The following EXOC6B variants were observed in gnomAD, a reference collection of about 807,000 sequenced individuals.
EXOC6B encodes the protein SEC15 homolog B.
In EXOC6B, 54 loss-of-function variants were observed where a neutral mutation model predicts 113.5. The ratio of observed to expected loss-of-function variants is 0.48; its 90% CI spans 0.38 to 0.60. The LOEUF (loss-of-function observed/expected upper bound fraction) is 0.60. Among genes scored for constraint, EXOC6B ranks in the 20% least tolerant of loss-of-function variants. EXOC6B has a pLI of 0.00. For synonymous variants in EXOC6B, 357 were observed against 339.0 expected (o/e 1.05, Z -0.58); for missense variants, 797 against 977.5 (o/e 0.82, Z 2.46).
intron 20 of EXOC6B, among the ~76,000 whole-genome samples, chr2:72,245,539 G>T (rs770682846): frequency 2.0e-5 from 3 of 152,150 alleles, no homozygotes; most frequent in Non-Finnish European, 2.9e-5. Context: ...AAAGCATATT[G>T]GTAAGTGAAA....
intron 17 of EXOC6B, among the ~76,000 whole-genome samples, chr2:72,472,680 T>G (rs2105453040): frequency 6.6e-6 from 1 of 152,298 alleles, no homozygotes. Flanking sequence ...TTCATATTTT[T>G]CTTTTCAGTT....
intron 18 of EXOC6B, among the ~76,000 whole-genome samples, chr2:72,410,065 A>G (rs1218272759): frequency 6.6e-6 from 1 of 152,144 alleles, no homozygotes; most frequent in Non-Finnish European, 1.5e-5. Context: ...TCTTGATTCA[A>G]CATTCGTTTT....
chr2:72,686,624 C>T (rs866121019), intron 6 of EXOC6B, among the ~76,000 whole-genome samples: 12 of 152,112 alleles, frequency 7.9e-5, no homozygotes, highest in African/African-American at 2.7e-4. Flanking sequence ...TCTTTACTTA[C>T]CCCGTCAATA....
chr2:72,501,894 G>A (rs1700341458), intron 11 of EXOC6B, among the ~76,000 whole-genome samples: 2 of 151,734 alleles, frequency 1.3e-5, no homozygotes, highest in Admixed American at 6.6e-5. Context: ...CCAAGTAGCT[G>A]GGGCTATAGG....
At position 72,444,916 on chromosome 2, in the gene EXOC6B, T is replaced by C. The variant is rs1372102287; in HGVS notation, c.1980+20244A>G. 3.3e-5 allele frequency among the ~76,000 whole-genome samples: 5 copies of C among 152,344 alleles called. 1 individual carries two copies. Among genetic ancestry groups the C allele is most frequent in the Admixed American group, 2.6e-4 (4 of 15,300 alleles). ...TTTCCCATTGTCTTGGGGATTAACATAGGGATCCTCATTTCTAATGCAAAT... is the reference window on the plus strand; with the variant it reads ...TTTCCCATTGTCTTGGGGATTAACACAGGGATCCTCATTTCTAATGCAAAT... On this transcript the variant is annotated intron_variant, in intron 18 of 21. Transcript: ENST00000272427.
chr2:72,345,821 G>A (rs73943348), intron 19 of EXOC6B, among the ~76,000 whole-genome samples: 5 of 152,156 alleles, frequency 3.3e-5, no homozygotes, highest in African/African-American at 7.2e-5. Flanking sequence ...CTAATGTAAA[G>A]TATAGACTTT....
At chr2:72,179,641 C>G (rs1400670147) in intron 21 of EXOC6B, among the ~76,000 whole-genome samples, 180 bp from the exon 22 acceptor site, 2 of 152,082 alleles carry the variant, frequency 1.3e-5, no homozygotes, top group Non-Finnish European at 2.9e-5. Flanking sequence ...CATTCTGGCA[C>G]CTATAGCCCT....
chr2:72,253,957 A>G (rs1342657202), intron 20 of EXOC6B, among the ~76,000 whole-genome samples: 1 of 152,124 alleles, frequency 6.6e-6, no homozygotes, highest in Non-Finnish European at 1.5e-5. Flanking sequence ...TCAGGAGATC[A>G]AGACCATCCT....
chr2:72,216,618 C>G (rs1680551848), intron 20 of EXOC6B, among the ~76,000 whole-genome samples: 1 of 152,154 alleles, frequency 6.6e-6, no homozygotes, highest in Non-Finnish European at 1.5e-5. Flanking sequence ...TTTATTGCAG[C>G]ACTATTCCAA....
intron 20 of EXOC6B, among the ~76,000 whole-genome samples, chr2:72,330,047 G>A (rs1187706868): frequency 6.6e-6 from 1 of 152,018 alleles, no homozygotes; most frequent in African/African-American, 2.4e-5. Flanking sequence ...AGCTCCATTC[G>A]CGAGATCTGA....
At chr2:72,689,790 C>T (rs1484878340) in intron 6 of EXOC6B, among the ~76,000 whole-genome samples, 1 of 152,198 alleles carries the variant, frequency 6.6e-6, no homozygotes, top group Non-Finnish European at 1.5e-5. Context: ...TAATGCAGCA[C>T]AGGGGACATA....
intron 20 of EXOC6B, among the ~76,000 whole-genome samples, chr2:72,212,597 G>C (rs566820530): frequency 2.6e-5 from 4 of 152,270 alleles, no homozygotes; most frequent in Admixed American, 6.5e-5. Flanking sequence ...TGGAGGAAAT[G>C]GACCAAGAAT....
chr2:72,512,024 T>C (rs1294399964), intron 11 of EXOC6B, among the ~76,000 whole-genome samples: 1 of 152,152 alleles, frequency 6.6e-6, no homozygotes, highest in Non-Finnish European at 1.5e-5. Context: ...TAAGAGCCCT[T>C]GCACTACTGT....
At chr2:72,231,329 A>C (rs926152214) in intron 20 of EXOC6B, among the ~76,000 whole-genome samples, 1 of 152,204 alleles carries the variant, frequency 6.6e-6, no homozygotes, top group South Asian at 2.1e-4. Flanking sequence ...TCCTTCTCCA[A>C]AATAAATTAT....
rs1697962540 is a variant in EXOC6B, at chr2:72,465,157, T to C, written c.1980+3A>G. On this transcript the variant is annotated splice_donor_region_variant and intron_variant, in intron 18 of 21. Transcript: ENST00000272427. ...AAGGACAAAGTAAGCAACTGCCACT[T>C]ACAGGAAGGTGTGTGAATACAGCAA... 6.2e-7 allele frequency: 1 copy of C among 1,607,446 alleles called. No individual in the cohort carries two copies. Among genetic ancestry groups the C allele is most frequent in the African/African-American group, 1.3e-5 (1 of 74,784 alleles).
chr2:72,588,663 G>GA (rs1007123333), intron 6 of EXOC6B, among the ~76,000 whole-genome samples: 11 of 151,302 alleles, frequency 7.3e-5, no homozygotes, highest in Non-Finnish European at 1.0e-4. Context: ...GACCACACTG[G>GA]AAAAAAAATC....
Position 72,204,014 on chromosome 2 carries a change from C to T in EXOC6B, c.2197-19827G>A, listed in dbSNP as rs372295226. On this transcript the variant is annotated intron_variant, in intron 20 of 21. Transcript: ENST00000272427. The stretch of plus-strand genomic sequence containing the variant: ...CCCTACAATGGGAAGGAACTTCCAA[C>T]GGAGTTCTATCTTGATGCTGTCTTC... Among the ~76,000 whole-genome samples, 41 of 152,256 alleles carry T rather than the reference C, an allele frequency of 2.7e-4. No individual in the cohort carries two copies. In the South Asian group the frequency reaches 4.8e-3, roughly 18 times the overall value.
At chr2:72,816,075 C>T (rs1034292746) in intron 1 of EXOC6B, among the ~76,000 whole-genome samples, 31 of 152,310 alleles carry the variant, frequency 2.0e-4, no homozygotes, top group African/African-American at 6.7e-4. Flanking sequence ...AGGAGAATCG[C>T]TTGAGCCCGG....
intron 20 of EXOC6B, among the ~76,000 whole-genome samples, chr2:72,247,249 A>T (rs1363565795): frequency 1.3e-5 from 2 of 152,212 alleles, no homozygotes; most frequent in African/African-American, 4.8e-5. Context: ...AGAAATGAAG[A>T]AGTGGAAAGG....
Sources: gnomAD v4.1 joint callset for allele counts (sites outside exome capture counted in the v4.1 genomes callset) on GRCh38, gnomAD v4.1.1 for gene constraint, MANE v1.5 for transcripts, NCBI Gene and HGNC (gene_info 2026-07-23, HGNC 2026-07-21) for gene names.